RAB33B: variants seen among roughly 807,000 people sequenced by gnomAD.
RAB33B encodes RAB33B, member RAS oncogene family.
RAB33B carries 6 observed loss-of-function variants against 15.0 expected under a neutral mutation model. The ratio of observed to expected loss-of-function variants is 0.40; its 90% CI spans 0.22 to 0.79. The LOEUF (loss-of-function observed/expected upper bound fraction) is 0.79, where lower values mean the gene tolerates loss of function less well. Among genes scored for constraint, RAB33B ranks in the 30% least tolerant of loss-of-function variants. RAB33B has a pLI of 0.37. For missense variants in RAB33B, 257 were observed against 296.4 expected (o/e 0.87, Z 0.98); for synonymous variants, 117 against 108.3 (o/e 1.08, Z -0.50).
intron 1 of RAB33B, among the ~76,000 whole-genome samples, chr4:139,463,788 C>T (rs540024986): frequency 4.6e-5 from 7 of 152,310 alleles, no homozygotes; most frequent in African/African-American, 1.7e-4. Flanking sequence ...TTGGCTGGGT[C>T]TCTCACTGCT....
At chr4:139,459,130 C>A (rs1216136457) in intron 1 of RAB33B, among the ~76,000 whole-genome samples, 39 of 120,140 alleles carry the variant, frequency 3.2e-4, no homozygotes, top group African/African-American at 6.1e-4. Flanking sequence ...AATCCCATCT[C>A]AAAAAAAAAA....
chr4:139,445,289 C>G, the RAB33B span, among the ~76,000 whole-genome samples: 1 of 152,242 alleles, frequency 6.6e-6, no homozygotes, highest in African/African-American at 2.4e-5. Context: ...GGTATATCAA[C>G]TCTCTGGCTG....
At chr4:139,444,404 C>G in the RAB33B span, among the ~76,000 whole-genome samples, 1 of 151,998 alleles carries the variant, frequency 6.6e-6, no homozygotes, top group Non-Finnish European at 1.5e-5. Context: ...CTGGGAGGGT[C>G]CAGGAAATAG....
intron 1 of RAB33B, among the ~76,000 whole-genome samples, chr4:139,457,864 A>G (rs1750099287): frequency 6.6e-6 from 1 of 151,942 alleles, no homozygotes; most frequent in Non-Finnish European, 1.5e-5. Context: ...TTATCCTTGT[A>G]CTCTCACCCC....
At chr4:139,458,280 T>C (rs957834004) in intron 1 of RAB33B, among the ~76,000 whole-genome samples, 11 of 151,822 alleles carry the variant, frequency 7.2e-5, no homozygotes, top group African/African-American at 2.7e-4. Context: ...TCTGTCTCTC[T>C]CTCTTTTTTT....
chr4:139,473,256 G>T lies in RAB33B; in HGVS notation c.*130G>T. The T allele has an allele frequency of 2.3e-6, 2 of 876,338 alleles. No homozygotes were observed. Among genetic ancestry groups the T allele is most frequent in the East Asian group, 2.7e-5 (1 of 37,086 alleles). 54.3% of individuals were successfully genotyped at this position (876,338 alleles called of 1,614,324 possible). A position where few individuals can be genotyped will look rare whatever the true frequency, so the allele number is the denominator to read the frequency against. On this transcript the variant is annotated 3_prime_UTR_variant, in exon 2 of 2. Coordinates refer to ENST00000305626, the MANE Select transcript of RAB33B (RefSeq NM_031296.3). ...ACACTTTGCTGTTTGTCATTGTCAC[G>T]CTTTTGTATTTTGTATCTACTTAAG... is the stretch of plus-strand genomic sequence containing the variant.
At position 139,476,417 on chromosome 4, in the gene RAB33B, A is replaced by G. The variant is rs1750503622; in HGVS notation, c.*3291A>G. 1 of 152,250 alleles carries G rather than the reference A, an allele frequency of 6.6e-6. No homozygotes were observed. Among genetic ancestry groups the G allele is most frequent in the Non-Finnish European group, 1.5e-5 (1 of 68,052 alleles). The allele number at this position is 152,250 out of a possible 1,614,324, so 9.4% of individuals were successfully genotyped here. A position where few individuals can be genotyped will look rare whatever the true frequency, so the allele number is the denominator to read the frequency against. On this transcript the variant is annotated 3_prime_UTR_variant, in exon 2 of 2. Transcript: ENST00000305626. Reference sequence around the variant, plus strand: ...ATAAGTTACCCTTGTGTTCAAACACAAAATTGACATTATTCATGAAGGACT... The same window carrying G: ...ATAAGTTACCCTTGTGTTCAAACACGAAATTGACATTATTCATGAAGGACT...
chr4:139,466,617 C>T lies in RAB33B; in HGVS notation c.250-6069C>T, dbSNP rs111307247. ...TTTTTGAGACATAGTCTTGTTCTGT[C>T]ACCCAGGCTGGAGTGCAGTGGCATG... On this transcript the variant is annotated intron_variant, in intron 1 of 1. Coordinates refer to ENST00000305626, the MANE Select transcript of RAB33B (RefSeq NM_031296.3). 4.2e-3 allele frequency among the ~76,000 whole-genome samples: 634 copies of T among 150,610 alleles called. 10 individuals are homozygous for T. Among genetic ancestry groups the T allele is most frequent in the Non-Finnish European group, 3.2e-3 (215 of 67,746 alleles).
chr4:139,460,774 CTT>C (rs950796278), intron 1 of RAB33B, among the ~76,000 whole-genome samples: 1 of 152,164 alleles, frequency 6.6e-6, no homozygotes, highest in African/African-American at 2.4e-5. Flanking sequence ...CTGAAAAAGA[CTT>C]TGAATTGCTG....
intron 1 of RAB33B, among the ~76,000 whole-genome samples, chr4:139,463,385 C>T (rs543090579): frequency 6.0e-4 from 91 of 152,268 alleles, no homozygotes; most frequent in Middle Eastern, 3.4e-3. Flanking sequence ...ATCCACCCAC[C>T]TCGGCCTCCC....
At position 139,471,214 on chromosome 4, in the gene RAB33B, G is replaced by A. The variant is rs554996465; in HGVS notation, c.250-1472G>A. On this transcript the variant is annotated intron_variant, in intron 1 of 1. Transcript: ENST00000305626. ...TGGGAACTCATGTTTGGACTGCTGGGATTGGTGGTTCCCCTCTGGCTGGGG... is the reference window on the plus strand; with the variant it reads ...TGGGAACTCATGTTTGGACTGCTGGAATTGGTGGTTCCCCTCTGGCTGGGG... 4.5e-4 allele frequency among the ~76,000 whole-genome samples: 68 copies of A among 152,290 alleles called. 1 individual carries two copies. The highest frequency in any genetic ancestry group is 1.6e-3 in the African/African-American group (66 of 41,578).
chr4:139,453,529 C>G (rs1054612262), upstream of RAB33B: 1 of 152,462 alleles, frequency 6.6e-6, no homozygotes, highest in Non-Finnish European at 1.5e-5. Flanking sequence ...GGCCGCTGTC[C>G]CAACTCCCGC....
chr4:139,444,595 G>A, the RAB33B span, among the ~76,000 whole-genome samples: 70 of 152,268 alleles, frequency 4.6e-4, no homozygotes, highest in Non-Finnish European at 8.5e-4. Flanking sequence ...GGGACTACTG[G>A]ACACTGGCTC....
chr4:139,443,794 C>T, the RAB33B span, among the ~76,000 whole-genome samples: 1 of 152,142 alleles, frequency 6.6e-6, no homozygotes, highest in Non-Finnish European at 1.5e-5. Context: ...CGGCAACATC[C>T]CCTCCCTGAC....
chr4:139,464,609 A>T (rs60706994), intron 1 of RAB33B, among the ~76,000 whole-genome samples: 1 of 151,856 alleles, frequency 6.6e-6, no homozygotes, highest in Non-Finnish European at 1.5e-5. Context: ...TCATTGTTCA[A>T]TTCCCACCTA....
In RAB33B at chr4:139,472,849, C is replaced by T; in HGVS notation, c.413C>T (p.Ala138Val). The change falls in exon 2 of 2, where the codon GCC becomes GTC. Residue 138 changes from alanine to valine, a missense_variant. Transcript: ENST00000305626. Reference protein sequence around the residue: ...WIEECKQHLLANDIPRILVGN... With the variant: ...WIEECKQHLLVNDIPRILVGN... ...GAAGAATGCAAACAACATTTGCTAGCCAATGATATACCACGGATTCTTGTT... is the reference window on the plus strand; with the variant it reads ...GAAGAATGCAAACAACATTTGCTAGTCAATGATATACCACGGATTCTTGTT... 6.2e-7 allele frequency: 1 copy of T among 1,614,142 alleles called. No individual in the cohort carries two copies. The highest frequency in any genetic ancestry group is 1.3e-5 in the African/African-American group (1 of 75,030).
chr4:139,461,231 A>G (rs1476161806), intron 1 of RAB33B, among the ~76,000 whole-genome samples: 1 of 152,166 alleles, frequency 6.6e-6, no homozygotes, highest in Admixed American at 6.5e-5. Context: ...CGTAGGTCAC[A>G]TGCCCTCCCT....
intron 1 of RAB33B, among the ~76,000 whole-genome samples, chr4:139,457,270 G>A (rs1009349727): frequency 6.6e-6 from 1 of 152,132 alleles, no homozygotes; most frequent in Non-Finnish European, 1.5e-5. Flanking sequence ...TTTGGAAGTC[G>A]AATAAAATTA....
At chr4:139,460,633 A>G (rs1750154662) in intron 1 of RAB33B, among the ~76,000 whole-genome samples, 1 of 152,174 alleles carries the variant, frequency 6.6e-6, no homozygotes. Context: ...AGAGATACCA[A>G]ACTGGTTCTC....
Sources: gnomAD v4.1 joint callset for allele counts (sites outside exome capture counted in the v4.1 genomes callset) on GRCh38, gnomAD v4.1.1 for gene constraint, MANE v1.5 for transcripts, NCBI Gene and HGNC (gene_info 2026-07-23, HGNC 2026-07-21) for gene names.